Variants in CCDC148 observed in about 807,000 individuals in gnomAD.
The protein encoded by CCDC148 is coiled-coil domain containing 148, also known as coiled-coil domain-containing protein 148.
In CCDC148, 89 loss-of-function variants were observed where a neutral mutation model predicts 85.7. The ratio of observed to expected loss-of-function variants is 1.04; its 90% confidence interval spans 0.87 to 1.24. The LOEUF (loss-of-function observed/expected upper bound fraction) is 1.24, where lower values mean the gene tolerates loss of function less well. Among genes scored for constraint, CCDC148 ranks in the 50% most tolerant of loss-of-function variants. The pLI is 0.00. For missense variants in CCDC148, 692 were observed against 671.7 expected, an observed-to-expected ratio of 1.03 and a Z score of -0.33; for synonymous variants, 230 against 213.9, an observed-to-expected ratio of 1.08 and a Z score of -0.66.
intron 2 of CCDC148, among the ~76,000 whole-genome samples, chr2:158,357,121 C>T (rs1379458284): frequency 1.3e-5 from 2 of 149,576 alleles, no homozygotes; most frequent in Non-Finnish European, 3.0e-5. Flanking sequence ...GGAGATATAC[C>T]TAATGCTAGA....
At chr2:158,362,641 C>T (rs1030140941) in intron 1 of CCDC148, among the ~76,000 whole-genome samples, 5 of 152,060 alleles carry the variant, frequency 3.3e-5, no homozygotes, top group African/African-American at 1.2e-4. Flanking sequence ...ACACAAGGTA[C>T]CAGAATCTCT....
intron 9 of CCDC148, among the ~76,000 whole-genome samples, chr2:158,277,612 T>C (rs1271222741): frequency 6.6e-6 from 1 of 152,148 alleles, no homozygotes; most frequent in Non-Finnish European, 1.5e-5. Flanking sequence ...TTTTTTTGTT[T>C]TTGAGACAGA....
intron 2 of CCDC148, among the ~76,000 whole-genome samples, chr2:158,346,929 AAT>A (rs1260832578): frequency 1.6e-4 from 23 of 145,494 alleles, no homozygotes; most frequent in Non-Finnish European, 2.8e-4. Context: ...ACTTTTAAAA[AAT>A]ACAAAGTCAA....
rs112296944 is a variant in CCDC148, at chr2:158,423,454, C to T, written c.25+32961G>A. 4.0e-3 allele frequency among the ~76,000 whole-genome samples: 609 copies of T among 152,188 alleles called. 2 individuals are homozygous for T. The highest frequency in any genetic ancestry group is 0.013 in the African/African-American group (557 of 41,516). Reference sequence around the variant, plus strand: ...TGATCTTTGACAAACCTGACAAAAACGAGCAATGGGGAAAGGATCCCTATT... The same window carrying T: ...TGATCTTTGACAAACCTGACAAAAATGAGCAATGGGGAAAGGATCCCTATT... On this transcript the variant is annotated intron_variant, in intron 1 of 13. Transcript: ENST00000283233.
At chr2:158,376,303 A>G (rs1684647316) in intron 1 of CCDC148, among the ~76,000 whole-genome samples, 1 of 152,064 alleles carries the variant, frequency 6.6e-6, no homozygotes, top group Non-Finnish European at 1.5e-5. Context: ...GAAAGAAAAA[A>G]ATCCTCAGAA....
At chr2:158,339,174 C>A in intron 5 of CCDC148, 89 bp from the exon 6 acceptor site, 1 of 1,023,962 alleles carries the variant, frequency 9.8e-7, no homozygotes. Flanking sequence ...TCTCAAAAGC[C>A]AATCAGTGAT....
intron 10 of CCDC148, among the ~76,000 whole-genome samples, chr2:158,228,952 A>G (rs1687708150): frequency 1.4e-5 from 2 of 148,080 alleles, no homozygotes; most frequent in African/African-American, 5.0e-5. Context: ...TAAAACTTAA[A>G]GTATAATAAC....
chr2:158,313,899 A>AAGCAAC lies in CCDC148; in HGVS notation c.765-11_765-6dup. 1 of 1,609,688 alleles carries AAGCAAC rather than the reference A, an allele frequency of 6.2e-7. No individual in the cohort carries two copies. Among genetic ancestry groups the AAGCAAC allele is most frequent in the Non-Finnish European group, 8.5e-7 (1 of 1,177,878 alleles). On this transcript the variant is annotated splice_region_variant and splice_polypyrimidine_tract_variant and intron_variant, in intron 7 of 13. Coordinates refer to ENST00000283233, the MANE Select transcript of CCDC148 (RefSeq NM_138803.4). ...TCTTCACTTAGTTGACAGTTTCTAG[A>AAGCAAC]AGCAACAAAAATGTCACAACATATT...
chr2:158,442,446 C>CA (rs1687974636), intron 1 of CCDC148, among the ~76,000 whole-genome samples: 1 of 152,008 alleles, frequency 6.6e-6, no homozygotes, highest in African/African-American at 2.4e-5. Flanking sequence ...TGGTAGAAAA[C>CA]AAAAAATCAC....
chr2:158,331,900 C>T (rs555808061), intron 7 of CCDC148, among the ~76,000 whole-genome samples: 3 of 152,126 alleles, frequency 2.0e-5, no homozygotes, highest in Admixed American at 1.3e-4. Flanking sequence ...CTATGTGTGT[C>T]TCTGCACGAG....
At chr2:158,328,430 T>C (rs935814204) in intron 7 of CCDC148, among the ~76,000 whole-genome samples, 1 of 152,216 alleles carries the variant, frequency 6.6e-6, no homozygotes, top group African/African-American at 2.4e-5. Flanking sequence ...ACATCTGGGT[T>C]GGTTCCAAGT....
At chr2:158,218,874 T>C (rs980898721) in intron 11 of CCDC148, among the ~76,000 whole-genome samples, 3 of 152,234 alleles carry the variant, frequency 2.0e-5, no homozygotes, top group Admixed American at 6.5e-5. Flanking sequence ...TAACAGATTA[T>C]ACTAAACTCT....
At chr2:158,290,024 A>G (rs1033683451) in intron 9 of CCDC148, among the ~76,000 whole-genome samples, 3 of 152,252 alleles carry the variant, frequency 2.0e-5, no homozygotes, top group African/African-American at 7.2e-5. Flanking sequence ...TTTGTTTATA[A>G]CATGGGAAGG....
At chr2:158,448,192 TTAA>T (rs1559152062) in intron 1 of CCDC148, among the ~76,000 whole-genome samples, 1 of 152,188 alleles carries the variant, frequency 6.6e-6, no homozygotes, top group Non-Finnish European at 1.5e-5. Flanking sequence ...TGTAAATATA[TTAA>T]TTTCTGTACC....
intron 2 of CCDC148, among the ~76,000 whole-genome samples, chr2:158,354,266 TC>T (rs1469064595): frequency 2.0e-5 from 3 of 151,858 alleles, no homozygotes; most frequent in African/African-American, 7.3e-5. Context: ...AAAAAACCCT[TC>T]AAAAAATTAA....
At chr2:158,337,161 A>C (rs1359413682) in intron 7 of CCDC148, among the ~76,000 whole-genome samples, 2 of 152,200 alleles carry the variant, frequency 1.3e-5, no homozygotes, top group Admixed American at 6.6e-5. Context: ...TTACTGGAAG[A>C]AAGCCATTTT....
chr2:158,192,839 T>C (rs902871764), intron 11 of CCDC148, among the ~76,000 whole-genome samples: 1 of 151,562 alleles, frequency 6.6e-6, no homozygotes, highest in Non-Finnish European at 1.5e-5. Flanking sequence ...CCTAAGCTGC[T>C]TGGCAATCCC....
At chr2:158,329,604 A>T (rs1013248274) in intron 7 of CCDC148, among the ~76,000 whole-genome samples, 1 of 151,990 alleles carries the variant, frequency 6.6e-6, no homozygotes, top group Non-Finnish European at 1.5e-5. Flanking sequence ...CTTGGGCAGT[A>T]TGGCCATTTT....
At chr2:158,232,705 A>G (rs561274425) in intron 10 of CCDC148, among the ~76,000 whole-genome samples, 1 of 152,240 alleles carries the variant, frequency 6.6e-6, no homozygotes, top group African/African-American at 2.4e-5. Context: ...ACTTAACCAG[A>G]CTCATAAAAG....
Sources: gnomAD v4.1 joint callset for allele counts (sites outside exome capture counted in the v4.1 genomes callset) on GRCh38, gnomAD v4.1.1 for gene constraint, MANE v1.5 for transcripts, NCBI Gene and HGNC (gene_info 2026-07-23, HGNC 2026-07-21) for gene names.